TMEM117: variants seen among roughly 807,000 people sequenced by gnomAD.
TMEM117 encodes the protein transmembrane protein 117.
A neutral mutation model predicts 52.4 loss-of-function variants in TMEM117; 27 were observed. That is an observed-to-expected ratio of 0.51 (90% CI 0.38 to 0.71). The LOEUF is 0.71. Ranked by LOEUF, TMEM117 falls within the 30% of genes least tolerant of loss-of-function variation. The pLI is 0.00. For missense variants in TMEM117, 556 were observed against 630.5 expected (o/e 0.88, Z 1.26); for synonymous variants, 215 against 206.3 (o/e 1.04, Z -0.36).
At chr12:43,964,384 A>G (rs997033463) in intron 3 of TMEM117, among the ~76,000 whole-genome samples, 1 of 152,166 alleles carries the variant, frequency 6.6e-6, no homozygotes, top group Non-Finnish European at 1.5e-5. Context: ...CTACCTCTCA[A>G]CTAGAAAGGG....
chr12:44,223,268 T>A (rs1224263511), intron 5 of TMEM117, among the ~76,000 whole-genome samples: 1 of 152,094 alleles, frequency 6.6e-6, no homozygotes, highest in Non-Finnish European at 1.5e-5. Flanking sequence ...GATTTTTTTT[T>A]TTTAACCTTT....
At chr12:44,251,033 G>A (rs1286007330) in intron 5 of TMEM117, among the ~76,000 whole-genome samples, 1 of 152,064 alleles carries the variant, frequency 6.6e-6, no homozygotes, top group East Asian at 1.9e-4. Flanking sequence ...AAGATTTTGA[G>A]AGGGTTCTTG....
intron 3 of TMEM117, chr12:44,008,880 A>G: frequency 2.3e-6 from 1 of 427,480 alleles, no homozygotes; most frequent in African/African-American, 2.1e-5. Flanking sequence ...TTCCCGCACC[A>G]TGAGCATCTA....
chr12:43,947,275 C>T (rs1945148759), intron 3 of TMEM117, among the ~76,000 whole-genome samples: 2 of 152,112 alleles, frequency 1.3e-5, no homozygotes, highest in African/African-American at 4.8e-5. Flanking sequence ...TTCAAGGTTA[C>T]AGTGAGTTAT....
At chr12:44,163,506 C>A (rs1948924967) in intron 4 of TMEM117, among the ~76,000 whole-genome samples, 1 of 152,076 alleles carries the variant, frequency 6.6e-6, no homozygotes, top group Admixed American at 6.6e-5. Flanking sequence ...TAATGTTAAC[C>A]AAACTTACCT....
chr12:43,856,181 C>T (rs73096957), intron 2 of TMEM117, among the ~76,000 whole-genome samples: 5,953 of 152,186 alleles, frequency 0.039, 147 homozygotes, highest in Middle Eastern at 0.088. Flanking sequence ...TTTGAACAGA[C>T]GCTGTCTATA....
intron 3 of TMEM117, among the ~76,000 whole-genome samples, chr12:44,003,757 G>C (rs1390009980): frequency 6.6e-6 from 1 of 152,178 alleles, no homozygotes; most frequent in Non-Finnish European, 1.5e-5. Context: ...ATATGCAGTA[G>C]AATGACATCT....
intron 2 of TMEM117, among the ~76,000 whole-genome samples, chr12:43,884,315 G>C (rs1234614661): frequency 6.6e-6 from 1 of 151,844 alleles, no homozygotes; most frequent in African/African-American, 2.4e-5. Flanking sequence ...TTTTAGATCA[G>C]TATATGAAAT....
At chr12:44,228,852 C>G (rs1171816965) in intron 5 of TMEM117, among the ~76,000 whole-genome samples, 1 of 152,090 alleles carries the variant, frequency 6.6e-6, no homozygotes, top group African/African-American at 2.4e-5. Context: ...TGGTGTGGAG[C>G]CTGTGGGCCA....
At chr12:44,335,118 A>G (rs1425902313) in intron 6 of TMEM117, among the ~76,000 whole-genome samples, 8 of 152,042 alleles carry the variant, frequency 5.3e-5, no homozygotes, top group Non-Finnish European at 1.0e-4. Context: ...ATGGAACATT[A>G]TGGTGATAGG....
At chr12:44,332,489 A>T (rs1459590106) in intron 6 of TMEM117, among the ~76,000 whole-genome samples, 1 of 152,046 alleles carries the variant, frequency 6.6e-6, no homozygotes, top group Non-Finnish European at 1.5e-5. Context: ...CACTGATAAA[A>T]TTGTTCTAGA....
chr12:44,022,542 A>G (rs547106163), intron 3 of TMEM117, among the ~76,000 whole-genome samples: 1 of 152,334 alleles, frequency 6.6e-6, no homozygotes, highest in South Asian at 2.1e-4. Flanking sequence ...TGTGTGCTTC[A>G]ATAGTAAAAT....
intron 4 of TMEM117, among the ~76,000 whole-genome samples, chr12:44,187,963 T>G (rs1292711539): frequency 1.3e-5 from 2 of 152,152 alleles, no homozygotes; most frequent in East Asian, 3.8e-4. Context: ...TTTTTTCAGG[T>G]GGCTCTGAGA....
At chr12:43,817,144 A>T in the TMEM117 span, among the ~76,000 whole-genome samples, 1 of 152,252 alleles carries the variant, frequency 6.6e-6, no homozygotes. Flanking sequence ...GTAAAAATTC[A>T]TAGAGTTTTC....
intron 3 of TMEM117, among the ~76,000 whole-genome samples, chr12:44,124,395 T>A (rs557782998): frequency 6.6e-6 from 1 of 152,360 alleles, no homozygotes; most frequent in South Asian, 2.1e-4. Flanking sequence ...ACGCTTTATT[T>A]ATTTCTCTTG....
At chr12:44,285,669 T>A (rs918922962) in intron 5 of TMEM117, among the ~76,000 whole-genome samples, 1 of 152,222 alleles carries the variant, frequency 6.6e-6, no homozygotes, top group African/African-American at 2.4e-5. Context: ...AACCCACATA[T>A]TTCAGGATAA....
the TMEM117 span, chr12:43,805,660 C>G: frequency 1.5e-6 from 1 of 645,170 alleles, no homozygotes; most frequent in Non-Finnish European, 2.5e-6. Context: ...TCAAAACACA[C>G]GCTTACACTC....
intron 2 of TMEM117, among the ~76,000 whole-genome samples, chr12:43,871,139 G>A (rs1329640112): frequency 1.3e-5 from 2 of 149,518 alleles, no homozygotes; most frequent in Non-Finnish European, 3.0e-5. Context: ...GTCTTGCTCT[G>A]TCGCCCAGGC....
At chr12:43,809,552 A>G in the TMEM117 span, among the ~76,000 whole-genome samples, 3 of 152,218 alleles carry the variant, frequency 2.0e-5, no homozygotes, top group East Asian at 5.8e-4. Context: ...AATACATTAC[A>G]ATACAGTATG....
Sources: gnomAD v4.1 joint callset for allele counts (sites outside exome capture counted in the v4.1 genomes callset) on GRCh38, gnomAD v4.1.1 for gene constraint, MANE v1.5 for transcripts, NCBI Gene and HGNC (gene_info 2026-07-23, HGNC 2026-07-21) for gene names.